Variants in CERS6 observed in about 807,000 individuals in gnomAD.
CERS6 encodes the protein LAG1 homolog, ceramide synthase 6.
A neutral mutation model predicts 56.8 loss-of-function variants in CERS6; 26 were observed. The observed-to-expected ratio is 0.46, with a 90% confidence interval of 0.34 to 0.63. CERS6 has a LOEUF of 0.63. CERS6 is among the 30% of genes least tolerant of loss of function. The pLI, the probability that CERS6 is intolerant of heterozygous loss-of-function variation, is 0.01. For missense variants in CERS6, 415 were observed against 467.5 expected (o/e 0.89, Z 1.04); for synonymous variants, 164 against 173.3 (o/e 0.95, Z 0.42).
chr2:168,753,946 C>T (rs1684349667), intron 8 of CERS6, among the ~76,000 whole-genome samples: 1 of 152,162 alleles, frequency 6.6e-6, no homozygotes, highest in African/African-American at 2.4e-5. Context: ...TGCCCAACTG[C>T]TCCCATCCTC....
intron 8 of CERS6, among the ~76,000 whole-genome samples, chr2:168,743,152 A>C (rs574340545): frequency 6.6e-6 from 1 of 151,796 alleles, no homozygotes; most frequent in Non-Finnish European, 1.5e-5. Flanking sequence ...ATATTCATAT[A>C]TATATATATA....
intron 4 of CERS6, among the ~76,000 whole-genome samples, chr2:168,679,118 T>G (rs1686145422): frequency 6.6e-6 from 1 of 152,060 alleles, no homozygotes; most frequent in Non-Finnish European, 1.5e-5. Flanking sequence ...TCGTGTGGGA[T>G]CTATTTTAAA....
At chr2:168,550,401 C>G (rs991627825) in intron 2 of CERS6, among the ~76,000 whole-genome samples, 3 of 152,174 alleles carry the variant, frequency 2.0e-5, no homozygotes, top group Admixed American at 2.0e-4. Context: ...TGGTCTTGAA[C>G]TCCGGGCTTC....
At chr2:168,606,493 G>A (rs910877302) in intron 3 of CERS6, 4 of 152,172 alleles carry the variant, frequency 2.6e-5, no homozygotes, top group African/African-American at 9.7e-5. Context: ...GCCAAAGTGA[G>A]CACACTAAGT....
intron 1 of CERS6, among the ~76,000 whole-genome samples, chr2:168,535,051 G>A (rs1050892141): frequency 2.0e-5 from 3 of 152,254 alleles, no homozygotes; most frequent in African/African-American, 4.8e-5. Context: ...GGACCAAGCC[G>A]TCCAGCCTCC....
chr2:168,753,151 C>G (rs1040756956), intron 8 of CERS6, among the ~76,000 whole-genome samples: 5 of 152,134 alleles, frequency 3.3e-5, no homozygotes, highest in South Asian at 4.1e-4. Context: ...TAAGATAACT[C>G]GCATCACAGA....
chr2:168,507,767 A>G (rs1405476234), intron 1 of CERS6, among the ~76,000 whole-genome samples: 5 of 152,094 alleles, frequency 3.3e-5, no homozygotes, highest in African/African-American at 1.2e-4. Flanking sequence ...GCTTTCTACT[A>G]TTTTCATCAT....
intron 3 of CERS6, among the ~76,000 whole-genome samples, chr2:168,583,806 A>G (rs1043868658): frequency 1.8e-4 from 27 of 152,320 alleles, no homozygotes; most frequent in Non-Finnish European, 3.5e-4. Flanking sequence ...AATTCATTCT[A>G]TCATTCAATA....
chr2:168,739,052 ATTTTTTTT>A (rs59967315), intron 8 of CERS6, among the ~76,000 whole-genome samples: 1 of 87,624 alleles, frequency 1.1e-5, no homozygotes, highest in Non-Finnish European at 2.0e-5. Context: ...CACCCGGCTA[ATTTTTTTT>A]TTTTTTTTTT....
At chr2:168,516,131 A>G (rs1694880033) in intron 1 of CERS6, among the ~76,000 whole-genome samples, 1 of 152,076 alleles carries the variant, frequency 6.6e-6, no homozygotes, top group Non-Finnish European at 1.5e-5. Flanking sequence ...CCTTGATTAG[A>G]GGTTTGCCAC....
At chr2:168,542,690 TTTTTTTGGGGGGTGTTA>T (rs1359456392) in intron 1 of CERS6, among the ~76,000 whole-genome samples, 1 of 61,244 alleles carries the variant, frequency 1.6e-5, no homozygotes, top group Non-Finnish European at 4.9e-5. Context: ...ATGGTTTTCT[TTTTTTTGGGGGGTGTTA>T]TTTTTTTTGG....
intron 1 of CERS6, among the ~76,000 whole-genome samples, chr2:168,470,950 C>A (rs1693965587): frequency 6.6e-6 from 1 of 152,050 alleles, no homozygotes; most frequent in African/African-American, 2.4e-5. Context: ...CCAGCTCCTC[C>A]CAAGGCTGCC....
In CERS6 at chr2:168,748,557, G is replaced by T. The variant is rs189833000; in HGVS notation, c.846-17035G>T. Among the ~76,000 whole-genome samples, 10 of 152,204 alleles carry T rather than the reference G, an allele frequency of 6.6e-5. No individual in the cohort carries two copies. In the East Asian group the frequency reaches 1.9e-3, roughly 29 times the overall value. ...TGTGGTCCTACTCCTGAACCTGCACGCCCCCACCGAATGGCTGGCCTGGGG... is the reference window on the plus strand; with the variant it reads ...TGTGGTCCTACTCCTGAACCTGCACTCCCCCACCGAATGGCTGGCCTGGGG... On this transcript the variant is annotated intron_variant, in intron 8 of 9. Coordinates refer to ENST00000305747, the MANE Select transcript of CERS6 (RefSeq NM_203463.3).
chr2:168,770,829 G>A lies in CERS6; in HGVS notation c.*1167G>A, dbSNP rs1486715022. 4 of 152,244 alleles carry A rather than the reference G, an allele frequency of 2.6e-5. No homozygotes were observed. Among genetic ancestry groups the A allele is most frequent in the Non-Finnish European group, 4.4e-5 (3 of 68,018 alleles). 9.4% of individuals were successfully genotyped at this position (152,244 alleles called of 1,614,324 possible). ...TGACTTTCCTGTTACTAAACACTGA[G>A]CAGCATTACACTACAATGCTTCTTT... On this transcript the variant is annotated 3_prime_UTR_variant, in exon 10 of 10. Coordinates refer to ENST00000305747, the MANE Select transcript of CERS6 (RefSeq NM_203463.3).
intron 7 of CERS6, among the ~76,000 whole-genome samples, chr2:168,715,577 C>T (rs11681255): frequency 0.35 from 52,522 of 151,840 alleles, 11,524 homozygotes; most frequent in Non-Finnish European, 0.48. Context: ...GTGGAAAGGG[C>T]ATATGAATTG....
chr2:168,477,077 C>T (rs534073695), intron 1 of CERS6, among the ~76,000 whole-genome samples: 12 of 151,652 alleles, frequency 7.9e-5, no homozygotes, highest in Non-Finnish European at 1.5e-4. Context: ...GATGCAGTGT[C>T]TGGTGAGGCA....
chr2:168,672,372 T>A (rs1207073815), intron 4 of CERS6, among the ~76,000 whole-genome samples: 2 of 152,172 alleles, frequency 1.3e-5, no homozygotes, highest in Admixed American at 1.3e-4. Flanking sequence ...TGAAACCCCA[T>A]GAGAATATGA....
At chr2:168,516,368 AAAT>A (rs1251343938) in intron 1 of CERS6, among the ~76,000 whole-genome samples, 4 of 152,282 alleles carry the variant, frequency 2.6e-5, no homozygotes, top group South Asian at 2.1e-4. Context: ...ATCATATAAT[AAAT>A]AATAATATTG....
rs144163750 is a variant in CERS6, at chr2:168,725,221, C to T, written c.845+7243C>T. 2.5e-3 allele frequency among the ~76,000 whole-genome samples: 388 copies of T among 152,374 alleles called. 13 individuals carry two copies. The East Asian group carries it at 0.066, about 26-fold the overall frequency. On this transcript the variant is annotated intron_variant, in intron 8 of 9. Coordinates refer to ENST00000305747, the MANE Select transcript of CERS6 (RefSeq NM_203463.3). ...AGGGCCCGCCAAGCCCACGCCCACC[C>T]GGAACTCCAGCTGGCCTGCAAGCGC... is the stretch of plus-strand genomic sequence containing the variant.
Sources: allele counts gnomAD v4.1 joint callset (sites outside exome capture counted in the v4.1 genomes callset), GRCh38; gene constraint gnomAD v4.1.1; transcripts MANE v1.5; gene names NCBI Gene and HGNC (gene_info 2026-07-23, HGNC 2026-07-21).